MGAT4C: variants seen among roughly 807,000 people sequenced by gnomAD.
MGAT4C encodes alpha-1,3-mannosyl-glycoprotein 4-beta-N-acetylglucosaminyltransferase C.
A neutral mutation model predicts 40.1 loss-of-function variants in MGAT4C; 19 were observed. That is an observed-to-expected ratio of 0.47 (90% CI 0.33 to 0.70). MGAT4C has a LOEUF of 0.70. MGAT4C is among the 30% of genes least tolerant of loss of function. The probability of loss-of-function intolerance (pLI) is 0.02; values close to 1 mark genes in which losing one functional copy is unlikely to be tolerated. For synonymous variants in MGAT4C, 181 were observed against 187.1 expected (o/e 0.97, Z 0.27); for missense variants, 491 against 563.2 (o/e 0.87, Z 1.30).
intron 2 of MGAT4C, among the ~76,000 whole-genome samples, chr12:86,551,999 T>C (rs1283115354): frequency 4.5e-5 from 6 of 133,726 alleles, no homozygotes; most frequent in Non-Finnish European, 9.3e-5. Flanking sequence ...ACCAGATGTG[T>C]AGGCACACAT....
intron 2 of MGAT4C, among the ~76,000 whole-genome samples, chr12:86,043,916 A>G (rs1460388561): frequency 6.6e-6 from 1 of 152,226 alleles, no homozygotes; most frequent in Non-Finnish European, 1.5e-5. Context: ...CTGGGGAACC[A>G]GCGTGGGTCA....
intron 3 of MGAT4C, among the ~76,000 whole-genome samples, chr12:86,347,832 T>C (rs1460249198): frequency 6.6e-6 from 1 of 150,996 alleles, no homozygotes; most frequent in Non-Finnish European, 1.5e-5. Flanking sequence ...AAAATTGTTA[T>C]TTTAACTTTA....
In MGAT4C at chr12:86,489,166, G is replaced by A. The variant is rs79235269; in HGVS notation, c.-228-53901C>T. Among the ~76,000 whole-genome samples, 966 of 152,242 alleles carry A rather than the reference G, an allele frequency of 6.3e-3. 9 individuals are homozygous for A. The highest frequency in any genetic ancestry group is 0.022 in the African/African-American group (911 of 41,544). On this transcript the variant is annotated intron_variant, in intron 2 of 7. Transcript: ENST00000548651. ...AAGCAGCTGGATATCAGGGAGAAGC[G>A]ACTTAACTTCAGAGACAGTGGCTGG...
chr12:85,979,017 G>T lies in MGAT4C; in HGVS notation c.*272C>A. ...TTAAAATCTTTCATATTACCCTTTC[G>T]ACAATCAGTTGAAATTTTAAAACTA... On this transcript the variant is annotated 3_prime_UTR_variant, in exon 5 of 5. Transcript: ENST00000611864. 4.3e-6 allele frequency: 1 copy of T among 230,584 alleles called. No individual in the cohort carries two copies. 14.3% of individuals were successfully genotyped at this position (230,584 alleles called of 1,614,324 possible). A position where few individuals can be genotyped will look rare whatever the true frequency, so the allele number is the denominator to read the frequency against.
At chr12:86,507,237 C>T (rs557276114) in intron 2 of MGAT4C, among the ~76,000 whole-genome samples, 11 of 152,208 alleles carry the variant, frequency 7.2e-5, no homozygotes, top group Admixed American at 3.3e-4. Context: ...ATTTTACTTC[C>T]GAGAGTGGAT....
At chr12:86,750,150 T>G (rs1399080432) in intron 1 of MGAT4C, among the ~76,000 whole-genome samples, 1 of 151,852 alleles carries the variant, frequency 6.6e-6, no homozygotes, top group Non-Finnish European at 1.5e-5. Flanking sequence ...TAAGTAAGCC[T>G]CTGGTAACTT....
rs1592590183 is a variant in MGAT4C, at chr12:85,979,138, A to G, written c.*151T>C. The G allele has an allele frequency of 1.7e-6, 1 of 599,882 alleles. No individual in the cohort carries two copies. 37.2% of individuals were successfully genotyped at this position (599,882 alleles called of 1,614,324 possible). On this transcript the variant is annotated 3_prime_UTR_variant, in exon 5 of 5. Coordinates refer to ENST00000611864, the MANE Select transcript of MGAT4C (RefSeq NM_001351288.2). ...AATACAAGTGTGTATTAAGAGTAAAATTATGTCAACAATGTATAAATGAAA... is the reference window on the plus strand; with the variant it reads ...AATACAAGTGTGTATTAAGAGTAAAGTTATGTCAACAATGTATAAATGAAA...
At chr12:86,781,012 T>TTGTGTG (rs201109835) in intron 1 of MGAT4C, among the ~76,000 whole-genome samples, 20 of 39,058 alleles carry the variant, frequency 5.1e-4, no homozygotes, top group African/African-American at 8.7e-4. Flanking sequence ...TGGCTGAGTA[T>TTGTGTG]TGTGTGTGTG....
Position 85,974,486 on chromosome 12 carries a change from AT to A in MGAT4C, c.*4802del, listed in dbSNP as rs1202617492. 3 of 150,774 alleles carry A rather than the reference AT, an allele frequency of 2.0e-5. No individual in the cohort carries two copies. Among genetic ancestry groups the A allele is most frequent in the African/African-American group, 7.3e-5 (3 of 41,306 alleles). 9.3% of individuals were successfully genotyped at this position (150,774 alleles called of 1,614,324 possible). On this transcript the variant is annotated 3_prime_UTR_variant, in exon 5 of 5. Coordinates refer to ENST00000611864, the MANE Select transcript of MGAT4C (RefSeq NM_001351288.2). ...TATATATACACAAATATACACACAT[AT>A]TCACATAATATTCAAGTATGTATAC...
At chr12:86,450,857 T>C (rs1316403304) in intron 2 of MGAT4C, among the ~76,000 whole-genome samples, 2 of 152,206 alleles carry the variant, frequency 1.3e-5, no homozygotes, top group African/African-American at 4.8e-5. Flanking sequence ...TTTATCCATA[T>C]GTGTGCACAT....
intron 2 of MGAT4C, among the ~76,000 whole-genome samples, chr12:86,661,052 T>C (rs1216970537): frequency 6.6e-6 from 1 of 152,164 alleles, no homozygotes; most frequent in Non-Finnish European, 1.5e-5. Context: ...GTACACCCTC[T>C]GGGGAAGTCA....
chr12:86,713,732 T>G (rs951544723), intron 2 of MGAT4C, among the ~76,000 whole-genome samples: 3 of 152,100 alleles, frequency 2.0e-5, no homozygotes, highest in Admixed American at 2.0e-4. Context: ...ACCATTGATA[T>G]CTCTATTTTA....
Position 85,979,622 on chromosome 12 carries a change from A to G in MGAT4C, c.1104T>C (p.Phe368=). ...CTCCTGTTGAAGGTGGTTTCCCCCA[A>G]AAGTACTCATCAACACTACTGTAAG... ...SKAYSSVDEY[F]WGKPPSTGDV... is the part of the protein sequence containing the mutation. Residue 368 remains phenylalanine (F), a synonymous_variant, in exon 5 of 5, where the codon TTT becomes TTC. Transcript: ENST00000611864. The G allele has an allele frequency of 1.9e-6, 3 of 1,611,618 alleles. No homozygotes were observed. Among genetic ancestry groups the G allele is most frequent in the Non-Finnish European group, 2.5e-6 (3 of 1,179,514 alleles).
chr12:86,365,531 T>G (rs974867752), intron 3 of MGAT4C, among the ~76,000 whole-genome samples: 1 of 152,184 alleles, frequency 6.6e-6, no homozygotes, highest in Non-Finnish European at 1.5e-5. Context: ...TGTTCAGAGA[T>G]TGCAGTAAAG....
At position 85,956,198 on chromosome 12, in the gene MGAT4C, A is replaced by G. The variant is rs1376913194; in HGVS notation, c.*23091T>C. 6.6e-6 allele frequency: 1 copy of G among 152,232 alleles called. No homozygotes were observed. The highest frequency in any genetic ancestry group is 1.5e-5 in the Non-Finnish European group (1 of 68,028). The allele number at this position is 152,232 out of a possible 1,614,324, so 9.4% of individuals were successfully genotyped here. The stretch of plus-strand genomic sequence containing the variant: ...CATTGTGTGGAACACAGTGAGAAGT[A>G]TAATGATTTTTTCCTGAAAACCCTG... On this transcript the variant is annotated 3_prime_UTR_variant, in exon 5 of 5. Coordinates refer to ENST00000611864, the MANE Select transcript of MGAT4C (RefSeq NM_001351288.2).
At chr12:86,179,219 A>ATGCCAT (rs1056023978) in intron 1 of MGAT4C, among the ~76,000 whole-genome samples, 10 of 152,212 alleles carry the variant, frequency 6.6e-5, no homozygotes, top group African/African-American at 2.4e-4. Flanking sequence ...CATTTTTCTC[A>ATGCCAT]TGCCATTGCC....
At chr12:86,688,673 C>A (rs1347987182) in intron 2 of MGAT4C, among the ~76,000 whole-genome samples, 2 of 152,204 alleles carry the variant, frequency 1.3e-5, no homozygotes, top group South Asian at 4.2e-4. Context: ...TATTTTGGCC[C>A]CCACTCTCTT....
chr12:85,987,673 T>A (rs938826080), intron 3 of MGAT4C, among the ~76,000 whole-genome samples: 6 of 152,200 alleles, frequency 3.9e-5, no homozygotes, highest in African/African-American at 1.4e-4. Flanking sequence ...AATTGACATA[T>A]ACTCTACTAC....
chr12:86,814,745 G>T (rs1391611235), intron 1 of MGAT4C, among the ~76,000 whole-genome samples: 1 of 151,852 alleles, frequency 6.6e-6, no homozygotes, highest in East Asian at 2.0e-4. Flanking sequence ...AATGGGATGA[G>T]TGCCCTTATA....
Sources: gnomAD v4.1 joint callset for allele counts (sites outside exome capture counted in the v4.1 genomes callset) on GRCh38, gnomAD v4.1.1 for gene constraint, MANE v1.5 for transcripts, NCBI Gene and HGNC (gene_info 2026-07-23, HGNC 2026-07-21) for gene names.